PARD3B: variants seen among roughly 807,000 people sequenced by gnomAD.
PARD3B encodes par-3 family cell polarity regulator beta.
PARD3B carries 103 observed loss-of-function variants against 130.2 expected under a neutral mutation model. The observed-to-expected ratio is 0.79, with a 90% CI of 0.67 to 0.93. The LOEUF (loss-of-function observed/expected upper bound fraction) is 0.93, where lower values mean the gene tolerates loss of function less well. Ranked by LOEUF, PARD3B falls within the 40% of genes least tolerant of loss-of-function variation. PARD3B has a pLI of 0.00. For synonymous variants in PARD3B, 583 were observed against 553.2 expected, an observed-to-expected ratio of 1.05 and a Z score of -0.76; for missense variants, 1,609 against 1,499.2, an observed-to-expected ratio of 1.07 and a Z score of -1.21.
At chr2:204,946,594 C>T (rs1423596669) in intron 2 of PARD3B, among the ~76,000 whole-genome samples, 1 of 152,088 alleles carries the variant, frequency 6.6e-6, no homozygotes. Context: ...TTGGATGTTG[C>T]CAGTTGCTTG....
chr2:204,773,291 A>G (rs1054564648), intron 2 of PARD3B, among the ~76,000 whole-genome samples: 1 of 151,988 alleles, frequency 6.6e-6, no homozygotes, highest in African/African-American at 2.4e-5. Context: ...TCTGCATACT[A>G]GACCTTACTT....
chr2:205,581,295 TATAG>T (rs201056070), intron 22 of PARD3B, among the ~76,000 whole-genome samples: 21,611 of 145,970 alleles, frequency 0.15, 1,782 homozygotes, highest in Admixed American at 0.22. Context: ...TATAGATAGA[TATAG>T]ATAGATAGAT....
chr2:205,308,451 CA>C (rs1407663734), intron 18 of PARD3B, among the ~76,000 whole-genome samples: 3 of 151,742 alleles, frequency 2.0e-5, no homozygotes, highest in African/African-American at 7.3e-5. Context: ...CTAAAAAATA[CA>C]AAAAATTAGC....
At chr2:205,360,213 T>G (rs2044338928) in intron 18 of PARD3B, among the ~76,000 whole-genome samples, 1 of 152,108 alleles carries the variant, frequency 6.6e-6, no homozygotes, top group Non-Finnish European at 1.5e-5. Context: ...ATTCTGTAAA[T>G]TCTTTATTGA....
rs2125622461 is a variant in PARD3B, at chr2:205,121,949, G to A, written c.1165G>A (p.Gly389Ser). 6.3e-7 allele frequency: 1 copy of A among 1,594,650 alleles called. No homozygotes were observed. The highest frequency in any genetic ancestry group is 1.1e-5 in the South Asian group (1 of 89,652). ...GAAAATTAAGATTGACCTAAAGAAA[G>A]GTAATTATTAAATTATGCCTAATAG... ...AKKIKIDLKK[G>S]PEGLGFTVVT... The change falls in exon 8 of 23, where the codon GGC (glycine) becomes AGC (serine). Residue 389 changes from glycine to serine, a missense_variant and splice_region_variant. By Grantham distance (56) the Gly-to-Ser change is moderately conservative. Coordinates refer to ENST00000406610, the MANE Select transcript of PARD3B (RefSeq NM_001302769.2). The surrounding 1 kb of genome is among the most constrained non-coding windows in gnomAD (Gnocchi z 5.0).
chr2:204,981,588 CTA>C (rs912796881), intron 3 of PARD3B, among the ~76,000 whole-genome samples: 1 of 152,202 alleles, frequency 6.6e-6, no homozygotes, highest in Non-Finnish European at 1.5e-5. Context: ...GGACACTTAA[CTA>C]TCTACCAGGC....
intron 18 of PARD3B, among the ~76,000 whole-genome samples, chr2:205,318,158 C>T (rs2042623917): frequency 6.6e-6 from 1 of 152,116 alleles, no homozygotes; most frequent in Non-Finnish European, 1.5e-5. Flanking sequence ...TTTCTTCTCC[C>T]CCAGGGACTG....
intron 22 of PARD3B, among the ~76,000 whole-genome samples, chr2:205,610,462 C>T (rs2055191353): frequency 6.6e-6 from 1 of 152,144 alleles, no homozygotes; most frequent in African/African-American, 2.4e-5. Flanking sequence ...AGTTAACTGA[C>T]CCTTGAATAA....
At chr2:204,674,307 G>A (rs4675472) in intron 1 of PARD3B, among the ~76,000 whole-genome samples, 102,258 of 152,026 alleles carry the variant, frequency 0.67, 37,620 homozygotes, top group South Asian at 0.81. Context: ...GATACTTGAG[G>A]TTAGCTCTTC....
intron 1 of PARD3B, among the ~76,000 whole-genome samples, chr2:204,646,262 C>T (rs2035269527): frequency 6.6e-6 from 1 of 152,068 alleles, no homozygotes; most frequent in Non-Finnish European, 1.5e-5. Context: ...ACACTTTTCC[C>T]TTACTGCAGA....
chr2:204,656,057 A>G (rs2035627941), intron 1 of PARD3B, among the ~76,000 whole-genome samples: 1 of 152,060 alleles, frequency 6.6e-6, no homozygotes, highest in African/African-American at 2.4e-5. Flanking sequence ...AGCAAGCAGA[A>G]GTGCTCAAGG....
chr2:204,714,523 G>A (rs80082192), intron 2 of PARD3B, among the ~76,000 whole-genome samples: 6,290 of 152,166 alleles, frequency 0.041, 352 homozygotes, highest in East Asian at 0.14. Flanking sequence ...TAACCAGACT[G>A]TCCTGACACA....
intron 1 of PARD3B, among the ~76,000 whole-genome samples, chr2:204,619,425 G>T (rs1183910612): frequency 5.3e-5 from 8 of 152,190 alleles, no homozygotes; most frequent in Admixed American, 1.3e-4. Flanking sequence ...CATATTTCAA[G>T]TATGTTGCTA....
At chr2:204,935,274 A>T (rs1371753203) in intron 2 of PARD3B, among the ~76,000 whole-genome samples, 6 of 151,428 alleles carry the variant, frequency 4.0e-5, no homozygotes, top group South Asian at 2.1e-4. Flanking sequence ...TCACGCCTGT[A>T]ATCCCAGCAC....
At chr2:205,454,377 G>C (rs761040132) in intron 20 of PARD3B, among the ~76,000 whole-genome samples, 4 of 152,074 alleles carry the variant, frequency 2.6e-5, no homozygotes, top group Non-Finnish European at 4.4e-5. Flanking sequence ...ATAATCAGTG[G>C]GATGAAAAAG....
chr2:205,370,731 C>T (rs1324463927), intron 18 of PARD3B, among the ~76,000 whole-genome samples: 9 of 152,280 alleles, frequency 5.9e-5, no homozygotes, highest in East Asian at 5.8e-4. Context: ...CTGAAAGTAT[C>T]GACAGATGAC....
intron 5 of PARD3B, among the ~76,000 whole-genome samples, chr2:205,107,633 T>C (rs1190383641): frequency 2.0e-5 from 3 of 152,212 alleles, no homozygotes; most frequent in African/African-American, 7.2e-5. Flanking sequence ...TGGAATATAA[T>C]AGGGACATAT....
chr2:205,205,993 A>G (rs1386561175), intron 15 of PARD3B, among the ~76,000 whole-genome samples: 3 of 151,632 alleles, frequency 2.0e-5, no homozygotes, highest in Admixed American at 6.6e-5. Flanking sequence ...CTCTTTTTCT[A>G]TTGTTTGGAA....
intron 18 of PARD3B, among the ~76,000 whole-genome samples, chr2:205,386,794 TTAGTGTGA>T (rs1324066783): frequency 6.6e-6 from 1 of 152,080 alleles, no homozygotes; most frequent in Non-Finnish European, 1.5e-5. Flanking sequence ...TCCCAGCTAC[TTAGTGTGA>T]TAGTGTGACC....
Sources: allele counts gnomAD v4.1 joint callset (sites outside exome capture counted in the v4.1 genomes callset), GRCh38; gene constraint gnomAD v4.1.1; non-coding constraint Gnocchi (gnomAD v3.1); transcripts MANE v1.5; gene names NCBI Gene and HGNC (gene_info 2026-07-23, HGNC 2026-07-21).